Variants in AKAP6 observed in about 807,000 individuals in gnomAD.
AKAP6 encodes the protein A-kinase anchor protein 6.
AKAP6 carries 58 observed loss-of-function variants against 188.5 expected under a neutral mutation model. The observed-to-expected ratio is 0.31, with a 90% confidence interval of 0.25 to 0.38. AKAP6 has a LOEUF of 0.38. Ranked by LOEUF, AKAP6 falls within the 10% of genes least tolerant of loss-of-function variation. The pLI is 1.00. For synonymous variants in AKAP6, 989 were observed against 998.6 expected (o/e 0.99, Z 0.18); for missense variants, 2,710 against 2,740.0 (o/e 0.99, Z 0.24).
chr14:32,456,603 A>G (rs1891152849), intron 2 of AKAP6, among the ~76,000 whole-genome samples: 1 of 152,236 alleles, frequency 6.6e-6, no homozygotes, highest in Non-Finnish European at 1.5e-5. Flanking sequence ...ATCTAAGTCA[A>G]TCAAGTACAT....
intron 2 of AKAP6, among the ~76,000 whole-genome samples, chr14:32,443,414 A>AC (rs1216645069): frequency 6.6e-6 from 1 of 151,646 alleles, no homozygotes; most frequent in Non-Finnish European, 1.5e-5. Flanking sequence ...AAACAAAAAA[A>AC]AAACAAAAAA....
chr14:32,702,731 C>G (rs919367097), intron 9 of AKAP6, among the ~76,000 whole-genome samples: 1 of 152,172 alleles, frequency 6.6e-6, no homozygotes, highest in Non-Finnish European at 1.5e-5. Flanking sequence ...CTCCCTCTCT[C>G]CCTGGCCTGG....
intron 8 of AKAP6, among the ~76,000 whole-genome samples, chr14:32,688,692 C>A (rs1335363892): frequency 1.3e-5 from 2 of 152,120 alleles, no homozygotes; most frequent in Non-Finnish European, 2.9e-5. Context: ...TACACCCGTG[C>A]AAGAGAAGTC....
chr14:32,657,983 T>C lies in AKAP6; in HGVS notation c.2731-20328T>C, dbSNP rs143368699. Among the ~76,000 whole-genome samples the C allele has an allele frequency of 2.9e-3, 434 of 152,184 alleles. 6 individuals are homozygous for C. Among genetic ancestry groups the C allele is most frequent in the East Asian group, 0.012 (63 of 5,166 alleles). On this transcript the variant is annotated intron_variant, in intron 7 of 13. Coordinates refer to ENST00000280979, the MANE Select transcript of AKAP6 (RefSeq NM_004274.5). ...GGTCGCACACATGGTAGATTGACAA[T>C]AAAGAACTAGTCTAGCACATTTGGA...
chr14:32,756,167 G>A (rs1223912749), intron 11 of AKAP6, among the ~76,000 whole-genome samples: 1 of 152,110 alleles, frequency 6.6e-6, no homozygotes, highest in African/African-American at 2.4e-5. Flanking sequence ...CCACTGGGAT[G>A]AGCCTGGAGC....
At chr14:32,540,168 C>CTATATATATA (rs61668961) in intron 3 of AKAP6, among the ~76,000 whole-genome samples, 30 of 60,910 alleles carry the variant, frequency 4.9e-4, no homozygotes, top group African/African-American at 2.2e-3. Context: ...CTCTCTCTCT[C>CTATATATATA]TATATATATA....
At chr14:32,747,173 T>C (rs1426484701) in intron 11 of AKAP6, among the ~76,000 whole-genome samples, 1 of 152,190 alleles carries the variant, frequency 6.6e-6, no homozygotes, top group Non-Finnish European at 1.5e-5. Flanking sequence ...TTTCAAATGG[T>C]ATCATAAGTA....
Position 32,453,575 on chromosome 14 carries a change from C to CTTTTTTTT in AKAP6, c.324+19790_324+19797dup, listed in dbSNP as rs71115071. 5.8e-3 allele frequency among the ~76,000 whole-genome samples: 549 copies of CTTTTTTTT among 95,324 alleles called. 93 individuals are homozygous for CTTTTTTTT. The highest frequency in any genetic ancestry group is 0.013 in the East Asian group (36 of 2,828). 62.5% of individuals were successfully genotyped at this position (95,324 alleles called of 152,430 possible). A position where few individuals can be genotyped will look rare whatever the true frequency, so the allele number is the denominator to read the frequency against. ...GTGGAGATAATAGAATTTTTCTTTT[C>CTTTTTTTT]TTTTTTTTTTTTTTTTTTTTTTTTT... On this transcript the variant is annotated intron_variant, in intron 2 of 13. Coordinates refer to ENST00000280979, the MANE Select transcript of AKAP6 (RefSeq NM_004274.5).
At chr14:32,650,850 C>T (rs1259478519) in intron 7 of AKAP6, among the ~76,000 whole-genome samples, 1 of 152,078 alleles carries the variant, frequency 6.6e-6, no homozygotes, top group Non-Finnish European at 1.5e-5. Context: ...CTTGTTTAGG[C>T]TGGGTAGTTC....
intron 9 of AKAP6, among the ~76,000 whole-genome samples, chr14:32,731,078 A>G (rs892266704): frequency 3.3e-5 from 5 of 152,180 alleles, no homozygotes; most frequent in African/African-American, 1.2e-4. Context: ...CCTGATCAAC[A>G]TTCATTAATA....
chr14:32,796,583 A>G (rs1160799456), intron 12 of AKAP6, among the ~76,000 whole-genome samples: 5 of 152,376 alleles, frequency 3.3e-5, no homozygotes, highest in Middle Eastern at 3.4e-3. Flanking sequence ...AGCCATATGC[A>G]GAAAATTGAA....
At chr14:32,395,279 C>G (rs1221501458) in intron 1 of AKAP6, among the ~76,000 whole-genome samples, 2 of 152,100 alleles carry the variant, frequency 1.3e-5, no homozygotes, top group African/African-American at 4.8e-5. Context: ...ACTTAGAGAA[C>G]CTGCTCTGAA....
Position 32,491,684 on chromosome 14 carries a change from A to G in AKAP6, c.325-43870A>G, listed in dbSNP as rs112146638. On this transcript the variant is annotated intron_variant, in intron 2 of 13. Transcript: ENST00000280979. ...AGGAAATTGAACCAGAATATTTCCA[A>G]CTCCAGTGACTTTGTGATTCTGAAT... is the stretch of plus-strand genomic sequence containing the variant. 7.2e-5 allele frequency among the ~76,000 whole-genome samples: 11 copies of G among 152,114 alleles called. No individual in the cohort carries two copies. The East Asian group carries it at 1.9e-3, about 27-fold the overall frequency.
chr14:32,447,628 G>A (rs755334933), intron 2 of AKAP6, among the ~76,000 whole-genome samples: 4 of 152,160 alleles, frequency 2.6e-5, no homozygotes, highest in Non-Finnish European at 4.4e-5. Flanking sequence ...TAGTTAATAC[G>A]ACCTAAAGTT....
chr14:32,712,119 A>AT (rs1415239963), intron 9 of AKAP6, among the ~76,000 whole-genome samples: 26 of 152,174 alleles, frequency 1.7e-4, no homozygotes, highest in African/African-American at 6.0e-4. Flanking sequence ...TACCACCATA[A>AT]TAAGGCAAAT....
rs28780708 is a variant in AKAP6 at position 32,794,579 on chromosome 14, C to G, written c.3588+20686C>G. ...CATCTCAAACAAACAAACAAACAAA[C>G]AAATAGTTCTTCAAAACTAATGAGA... On this transcript the variant is annotated intron_variant, in intron 12 of 13. Transcript: ENST00000280979. Among the ~76,000 whole-genome samples the G allele has an allele frequency of 9.6e-3, 1,466 of 152,072 alleles. 27 individuals carry two copies. Among genetic ancestry groups the G allele is most frequent in the African/African-American group, 0.034 (1,397 of 41,520 alleles).
At chr14:32,656,478 T>G (rs1385698864) in intron 7 of AKAP6, among the ~76,000 whole-genome samples, 1 of 152,042 alleles carries the variant, frequency 6.6e-6, no homozygotes, top group Non-Finnish European at 1.5e-5. Flanking sequence ...CACCTGGGAG[T>G]GCCAGCCAAA....
chr14:32,368,175 G>A (rs1423851781), intron 1 of AKAP6, among the ~76,000 whole-genome samples: 1 of 152,008 alleles, frequency 6.6e-6, no homozygotes, highest in African/African-American at 2.4e-5. Context: ...TTTCTCTGAG[G>A]AGGCAGGAGC....
chr14:32,546,299 C>T lies in AKAP6; in HGVS notation c.1646C>T (p.Ala549Val). 6.2e-7 allele frequency: 1 copy of T among 1,614,194 alleles called. No homozygotes were observed. Among genetic ancestry groups the T allele is most frequent in the Non-Finnish European group, 8.5e-7 (1 of 1,180,018 alleles). ...ATAGAGGGGCCACAAACAAATTCTG[C>T]TTCCACATCCTCACTTGAGCCTTGT... is the stretch of plus-strand genomic sequence containing the variant. ...KAIEGPQTNS[A>V]STSSLEPCNQ... is the part of the protein sequence containing the mutation. The change falls in exon 4 of 14, where the codon GCT becomes GTT. Residue 549 changes from alanine to valine, a missense_variant. By Grantham distance (64) the Ala-to-Val change is moderately conservative. Around this residue, in one of 2 missense-constraint regions of AKAP6, gnomAD observed 2,473 missense variants for 2,426.1 expected, o/e 1.02. Coordinates refer to ENST00000280979, the MANE Select transcript of AKAP6 (RefSeq NM_004274.5).
Sources: allele counts gnomAD v4.1 joint callset (sites outside exome capture counted in the v4.1 genomes callset), GRCh38; gene constraint gnomAD v4.1.1; regional missense constraint gnomAD v4.1.1; transcripts MANE v1.5; gene names NCBI Gene and HGNC (gene_info 2026-07-23, HGNC 2026-07-21).